The following FRMPD4 variants were observed in gnomAD, a reference collection of about 807,000 sequenced individuals.
FRMPD4 encodes FERM and PDZ domain containing 4, also known as FERM and PDZ domain-containing protein 4.
In FRMPD4, 22 loss-of-function variants were observed where a neutral mutation model predicts 94.1. The observed-to-expected ratio is 0.23, with a 90% CI of 0.17 to 0.33. The LOEUF is 0.33. FRMPD4 is among the 10% of genes least tolerant of loss of function. FRMPD4 has a pLI of 1.00. For synonymous variants in FRMPD4, 631 were observed against 548.6 expected (o/e 1.15, Z -2.10); for missense variants, 1,111 against 1,339.9 (o/e 0.83, Z 2.67).
chrX:12,721,144 C>T lies in FRMPD4; in HGVS notation c.4575C>T (p.Thr1525=). ...GEEEEERGEA[T]VQVSCLYRPQ... ...AAGAAGAGGAGAGGGGAGAGGCCAC[C>T]GTCCAGGTCTCTTGCCTCTATAGAC... The change falls in exon 17 of 17, where the codon ACC becomes ACT. Residue 1525 remains threonine (T), a synonymous_variant. Coordinates refer to ENST00000675598, the MANE Select transcript of FRMPD4 (RefSeq NM_001368397.1). 1 of 755,745 alleles carries T rather than the reference C, an allele frequency of 1.3e-6. No homozygotes were observed. 62.3% of individuals were successfully genotyped at this position (755,745 alleles called of 1,213,427 possible).
chrX:12,312,557 A>G lies in FRMPD4; in HGVS notation c.41+173545A>G, dbSNP rs1004144883. Among the ~76,000 whole-genome samples the G allele has an allele frequency of 3.6e-5, 4 of 110,522 alleles. No individual in the cohort carries two copies. In the Admixed American group the frequency reaches 3.8e-4, roughly 11 times the overall value. ...TGTGAGCCACCGCGCCTGGCCCTCCATTACTTTTTGTACTTTCCTGTTCTT... is the reference window on the plus strand; with the variant it reads ...TGTGAGCCACCGCGCCTGGCCCTCCGTTACTTTTTGTACTTTCCTGTTCTT... On this transcript the variant is annotated intron_variant, in intron 1 of 16. Coordinates refer to ENST00000675598, the MANE Select transcript of FRMPD4 (RefSeq NM_001368397.1).
At chrX:12,530,073 ACACT>A in intron 2 of FRMPD4, among the ~76,000 whole-genome samples, 1 of 111,707 alleles carries the variant, frequency 9.0e-6, no homozygotes, top group African/African-American at 3.3e-5. Context: ...GGGCACACAA[ACACT>A]CAGGCCATAG....
intron 2 of FRMPD4, among the ~76,000 whole-genome samples, chrX:11,871,413 G>A (rs2147305963): frequency 8.9e-6 from 1 of 112,004 alleles, no homozygotes; most frequent in East Asian, 2.8e-4. Flanking sequence ...AGGTCTTTGA[G>A]GAATACATTT....
chrX:12,345,930 G>A (rs1477056024), intron 1 of FRMPD4, among the ~76,000 whole-genome samples: 1 of 110,725 alleles, frequency 9.0e-6, no homozygotes, highest in Non-Finnish European at 1.9e-5. Flanking sequence ...TCATGAAAAA[G>A]AAAAGAAATC....
In FRMPD4 at chrX:12,527,487, G is replaced by GT. The variant is rs752107917; in HGVS notation, c.158+28710dup. Among the ~76,000 whole-genome samples, 542 of 77,397 alleles carry GT rather than the reference G, an allele frequency of 7.0e-3. 1 individual carries two copies. Among genetic ancestry groups the GT allele is most frequent in the African/African-American group, 0.013 (265 of 20,484 alleles). 67.2% of individuals were successfully genotyped at this position (77,397 alleles called of 115,157 possible). Reference sequence around the variant, plus strand: ...CCCAACAGCAGAGATCTGAGTTACAGTTTTTTTTTTTTTTTTTTTGTCTTC... The same window carrying GT: ...CCCAACAGCAGAGATCTGAGTTACAGTTTTTTTTTTTTTTTTTTTTGTCTTC... On this transcript the variant is annotated intron_variant, in intron 2 of 16. Coordinates refer to ENST00000675598, the MANE Select transcript of FRMPD4 (RefSeq NM_001368397.1).
chrX:12,685,288 C>T (rs1288889402), intron 6 of FRMPD4, among the ~76,000 whole-genome samples: 1 of 111,880 alleles, frequency 8.9e-6, no homozygotes, highest in Non-Finnish European at 1.9e-5. Flanking sequence ...ACTTTATGAC[C>T]AACTACATGT....
intron 3 of FRMPD4, among the ~76,000 whole-genome samples, chrX:12,100,711 T>C (rs1156436022): frequency 1.8e-5 from 2 of 112,287 alleles, no homozygotes; most frequent in Non-Finnish European, 3.8e-5. Flanking sequence ...TTTCGCTCTT[T>C]GTGCTTCCCT....
intron 1 of FRMPD4, among the ~76,000 whole-genome samples, chrX:11,862,960 G>GGT (rs780667205): frequency 2.1e-5 from 1 of 47,673 alleles, no homozygotes; most frequent in Admixed American, 2.9e-4. Context: ...AGGGAACTTG[G>GGT]TTTTTTTTTT....
chrX:12,176,028 T>C (rs2056291035), intron 1 of FRMPD4, among the ~76,000 whole-genome samples: 1 of 112,236 alleles, frequency 8.9e-6, no homozygotes, highest in South Asian at 3.7e-4. Flanking sequence ...CTTACAGTAT[T>C]TGTCCATTCC....
At chrX:12,158,276 A>G (rs2055967845) in intron 1 of FRMPD4, among the ~76,000 whole-genome samples, 1 of 111,977 alleles carries the variant, frequency 8.9e-6, no homozygotes, top group African/African-American at 3.2e-5. Context: ...ACATCCTACC[A>G]GAAAAAAATC....
At chrX:12,031,111 T>A (rs1240002148) in intron 3 of FRMPD4, among the ~76,000 whole-genome samples, 1 of 111,926 alleles carries the variant, frequency 8.9e-6, no homozygotes, top group East Asian at 2.8e-4. Flanking sequence ...CAGTAATTTA[T>A]GAGAGGATTG....
chrX:12,570,693 T>G (rs1202303939), intron 2 of FRMPD4, among the ~76,000 whole-genome samples: 1 of 111,871 alleles, frequency 8.9e-6, no homozygotes, highest in Non-Finnish European at 1.9e-5. Flanking sequence ...AGGGTTATGT[T>G]GCAAGACCCC....
chrX:12,085,378 T>A (rs1918125), intron 3 of FRMPD4, among the ~76,000 whole-genome samples: 5,522 of 111,031 alleles, frequency 0.05, 375 homozygotes, highest in African/African-American at 0.17. Flanking sequence ...TGAATTTTTT[T>A]AAAAAAATAG....
intron 3 of FRMPD4, among the ~76,000 whole-genome samples, chrX:11,987,097 T>TGAAAAAAAAAAAAAA (rs1569137639): frequency 6.8e-5 from 1 of 14,642 alleles, no homozygotes; most frequent in Non-Finnish European, 1.1e-4. Context: ...CAAAGACACA[T>TGAAAAAAAAAAAAAA]TAAAAAAAAA....
At chrX:11,884,404 T>C (rs1210138124) in intron 3 of FRMPD4, among the ~76,000 whole-genome samples, 1 of 112,123 alleles carries the variant, frequency 8.9e-6, no homozygotes, top group Non-Finnish European at 1.9e-5. Flanking sequence ...GTTATGTTGC[T>C]TGTTCAAGGG....
At chrX:12,566,583 G>T (rs1160644789) in intron 2 of FRMPD4, among the ~76,000 whole-genome samples, 4 of 112,035 alleles carry the variant, frequency 3.6e-5, no homozygotes, top group Non-Finnish European at 5.6e-5. Context: ...AAGAAACATT[G>T]TCCCCATGTA....
rs183870595 is a variant in FRMPD4 at position 12,600,798 on chromosome X, G to A, written c.159-8923G>A. ...ATTGTTGTATATTTTGCTATATTTC[G>A]TGCCAGTATCATAGGATTCTAAGAA... On this transcript the variant is annotated intron_variant, in intron 2 of 16. Coordinates refer to ENST00000675598, the MANE Select transcript of FRMPD4 (RefSeq NM_001368397.1). Among the ~76,000 whole-genome samples, 11 of 111,860 alleles carry A rather than the reference G, an allele frequency of 9.8e-5. No homozygotes were observed. In the South Asian group the frequency reaches 3.4e-3, roughly 34 times the overall value.
intron 2 of FRMPD4, among the ~76,000 whole-genome samples, chrX:12,591,836 A>G (rs1174739575): frequency 8.9e-6 from 1 of 111,752 alleles, no homozygotes; most frequent in Non-Finnish European, 1.9e-5. Context: ...GAGGCTCAGG[A>G]CTTGATACCT....
intron 3 of FRMPD4, among the ~76,000 whole-genome samples, chrX:12,115,017 G>T (rs1180835605): frequency 9.0e-6 from 1 of 111,723 alleles, no homozygotes; most frequent in South Asian, 3.7e-4. Flanking sequence ...GCTAAAGCCA[G>T]TCTTGAATAC....
Sources: gnomAD v4.1 joint callset for allele counts (sites outside exome capture counted in the v4.1 genomes callset) on GRCh38, gnomAD v4.1.1 for gene constraint, MANE v1.5 for transcripts, NCBI Gene and HGNC (gene_info 2026-07-23, HGNC 2026-07-21) for gene names.